The following AOPEP variants were observed in gnomAD, a reference collection of about 807,000 sequenced individuals.
AOPEP encodes the protein aminopeptidase O (putative), also known as aminopeptidase O.
AOPEP carries 77 observed loss-of-function variants against 98.1 expected under a neutral mutation model. The ratio of observed to expected loss-of-function variants is 0.78; its 90% confidence interval spans 0.65 to 0.95. AOPEP has a LOEUF of 0.95. AOPEP is among the 40% of genes least tolerant of loss of function. The pLI, the probability that AOPEP is intolerant of heterozygous loss-of-function variation, is 0.00. For missense variants in AOPEP, 1,024 were observed against 1,024.7 expected, an observed-to-expected ratio of 1.00 and a Z score of 0.01; for synonymous variants, 346 against 365.3, an observed-to-expected ratio of 0.95 and a Z score of 0.60.
intron 13 of AOPEP, among the ~76,000 whole-genome samples, chr9:95,006,691 A>G (rs2062047969): frequency 6.6e-6 from 1 of 152,074 alleles, no homozygotes. Context: ...CATATATGTC[A>G]CTTCAGTTGA....
At chr9:94,812,802 C>T (rs1160083014) in intron 5 of AOPEP, among the ~76,000 whole-genome samples, 1 of 152,146 alleles carries the variant, frequency 6.6e-6, no homozygotes, top group East Asian at 1.9e-4. Context: ...CAAAGGGACA[C>T]TTCCCTTTTG....
chr9:94,945,637 A>G (rs1305403515), intron 7 of AOPEP, among the ~76,000 whole-genome samples: 1 of 152,058 alleles, frequency 6.6e-6, no homozygotes, highest in African/African-American at 2.4e-5. Context: ...TGAGGAGGGA[A>G]AAGTCCTTCT....
At position 94,831,322 on chromosome 9, in the gene AOPEP, A is replaced by G. The variant is rs112195629; in HGVS notation, c.1364+30320A>G. 6.4e-4 allele frequency among the ~76,000 whole-genome samples: 98 copies of G among 152,276 alleles called. No individual in the cohort carries two copies. The East Asian group carries it at 0.013, about 20-fold the overall frequency. On this transcript the variant is annotated intron_variant, in intron 5 of 16. Transcript: ENST00000375315. ...TTATTAAATAGGGAATCCTTTCCCC[A>G]TTGCTTGTTTTTGTCAGGTTTGCCA...
the AOPEP span, chr9:95,099,622 G>T: frequency 0.012 from 2,811 of 231,330 alleles, 85 homozygotes; most frequent in African/African-American, 0.058. Flanking sequence ...CATCTCTCAG[G>T]CTGGGAAAGG....
chr9:94,750,153 T>G (rs1313585491), intron 1 of AOPEP, among the ~76,000 whole-genome samples: 1 of 152,158 alleles, frequency 6.6e-6, no homozygotes, highest in Non-Finnish European at 1.5e-5. Flanking sequence ...CAGGGGACAA[T>G]TAGGGAATTG....
intron 5 of AOPEP, among the ~76,000 whole-genome samples, chr9:94,833,838 G>GA (rs1338911519): frequency 2.2e-4 from 34 of 152,220 alleles, no homozygotes; most frequent in African/African-American, 8.0e-4. Context: ...AAATCGTTGA[G>GA]AAGGGGAGTT....
chr9:95,089,507 G>T (rs1022528052), downstream of AOPEP, among the ~76,000 whole-genome samples: 30 of 152,334 alleles, frequency 2.0e-4, no homozygotes, highest in African/African-American at 7.0e-4. Context: ...AGGTCCACAT[G>T]GCTCAGAGCT....
intron 5 of AOPEP, among the ~76,000 whole-genome samples, chr9:94,808,853 A>G (rs957299907): frequency 6.6e-6 from 1 of 152,250 alleles, no homozygotes; most frequent in Non-Finnish European, 1.5e-5. Flanking sequence ...AAGTTGTTGG[A>G]AACTGTGGTT....
At position 95,082,612 on chromosome 9, in the gene AOPEP, G is replaced by A; in HGVS notation, c.2357G>A (p.Ser786Asn). The change falls in exon 16 of 17, where the codon AGT becomes AAT. Residue 786 changes from serine (S) to asparagine (N), a missense_variant. By Grantham distance (46) the Ser-to-Asn change is conservative. Transcript: ENST00000375315. ...GVYLYGELMV[S>N]EDARQQQLAR... ...TACCTCTACGGGGAGCTGATGGTGAGTGAGGACGCCAGACAGCAGCAGCTC... is the reference window on the plus strand; with the variant it reads ...TACCTCTACGGGGAGCTGATGGTGAATGAGGACGCCAGACAGCAGCAGCTC... 1 of 1,614,242 alleles carries A rather than the reference G, an allele frequency of 6.2e-7. No individual in the cohort carries two copies. Among genetic ancestry groups the A allele is most frequent in the Non-Finnish European group, 8.5e-7 (1 of 1,180,048 alleles).
chr9:94,779,017 A>T (rs941490579), intron 3 of AOPEP, among the ~76,000 whole-genome samples: 2 of 151,746 alleles, frequency 1.3e-5, no homozygotes, highest in Non-Finnish European at 2.9e-5. Flanking sequence ...TGACAGAATG[A>T]TACTGTCTAA....
the AOPEP span, among the ~76,000 whole-genome samples, chr9:95,142,050 T>C: frequency 3.3e-5 from 4 of 121,574 alleles, no homozygotes; most frequent in African/African-American, 1.2e-4. Context: ...TGGAGTGCAA[T>C]GGCACGATCT....
chr9:95,114,647 A>G, the AOPEP span: 1 of 1,614,114 alleles, frequency 6.2e-7, no homozygotes, highest in Middle Eastern at 1.6e-4. Flanking sequence ...CTGGTCTTCA[A>G]CTGCTTCTCT....
chr9:95,146,036 A>T, the AOPEP span, among the ~76,000 whole-genome samples: 3 of 152,166 alleles, frequency 2.0e-5, no homozygotes, highest in Admixed American at 2.0e-4. Flanking sequence ...AATCAGGATA[A>T]TTTAATTCCT....
chr9:95,116,050 C>T, the AOPEP span, among the ~76,000 whole-genome samples: 73 of 152,358 alleles, frequency 4.8e-4, no homozygotes, highest in African/African-American at 1.3e-3. Context: ...TACTTCTGCC[C>T]GAAGCCACCT....
intron 5 of AOPEP, among the ~76,000 whole-genome samples, chr9:94,911,467 C>T (rs941472104): frequency 1.3e-5 from 2 of 152,132 alleles, no homozygotes; most frequent in Non-Finnish European, 2.9e-5. Context: ...ACGTAATTTT[C>T]CAGCTGGCTA....
At chr9:94,788,828 C>T (rs1337402016) in intron 3 of AOPEP, among the ~76,000 whole-genome samples, 1 of 152,232 alleles carries the variant, frequency 6.6e-6, no homozygotes, top group Non-Finnish European at 1.5e-5. Context: ...TGCCATTTCT[C>T]CTCCAGCACC....
intron 5 of AOPEP, among the ~76,000 whole-genome samples, chr9:94,826,237 G>A (rs1373831807): frequency 6.6e-6 from 1 of 152,202 alleles, no homozygotes; most frequent in Non-Finnish European, 1.5e-5. Flanking sequence ...CAAGTTCATT[G>A]TGACAGAACT....
At chr9:94,925,897 G>A (rs117349238) in intron 6 of AOPEP, among the ~76,000 whole-genome samples, 3,395 of 152,336 alleles carry the variant, frequency 0.022, 57 homozygotes, top group Non-Finnish European at 0.034. Flanking sequence ...GGGTGAATGG[G>A]ATCAGGTGTG....
chr9:95,110,775 A>G, the AOPEP span: 1 of 1,106,120 alleles, frequency 9.0e-7, no homozygotes, highest in East Asian at 4.5e-5. Context: ...AGAACCTAGC[A>G]AATCAATGCT....
Sources: gnomAD v4.1 joint callset for allele counts (sites outside exome capture counted in the v4.1 genomes callset) on GRCh38, gnomAD v4.1.1 for gene constraint, MANE v1.5 for transcripts, NCBI Gene and HGNC (gene_info 2026-07-23, HGNC 2026-07-21) for gene names.